IMMP2L: variants seen among roughly 807,000 people sequenced by gnomAD.
IMMP2L encodes inner mitochondrial membrane peptidase subunit 2, also known as mitochondrial inner membrane protease subunit 2.
A neutral mutation model predicts 19.3 loss-of-function variants in IMMP2L; 18 were observed. The observed-to-expected ratio is 0.93, with a 90% CI of 0.64 to 1.38. IMMP2L has a LOEUF of 1.38. Among genes scored for constraint, IMMP2L ranks in the 40% most tolerant of loss-of-function variants. The probability of loss-of-function intolerance (pLI) is 0.00; values close to 1 mark genes in which losing one functional copy is unlikely to be tolerated. For missense variants in IMMP2L, 233 were observed against 218.2 expected, an observed-to-expected ratio of 1.07 and a Z score of -0.43; for synonymous variants, 76 against 73.0, an observed-to-expected ratio of 1.04 and a Z score of -0.21.
intron 3 of IMMP2L, among the ~76,000 whole-genome samples, chr7:111,049,100 T>C (rs1792734415): frequency 2.0e-5 from 3 of 150,498 alleles, no homozygotes; most frequent in South Asian, 2.1e-4. Flanking sequence ...GCTTAGGGCA[T>C]TGATTTTTAT....
At chr7:110,894,435 G>A (rs1294291704) in intron 4 of IMMP2L, among the ~76,000 whole-genome samples, 1 of 152,050 alleles carries the variant, frequency 6.6e-6, no homozygotes, top group Non-Finnish European at 1.5e-5. Context: ...CATTTTAGGG[G>A]CATATAATGG....
At chr7:111,283,522 G>A (rs1024456020) in intron 3 of IMMP2L, among the ~76,000 whole-genome samples, 1 of 152,148 alleles carries the variant, frequency 6.6e-6, no homozygotes, top group African/African-American at 2.4e-5. Flanking sequence ...TGAGCAGTTA[G>A]GAGTGGCTAG....
chr7:111,161,406 T>C (rs1805249320), intron 3 of IMMP2L, among the ~76,000 whole-genome samples: 1 of 151,980 alleles, frequency 6.6e-6, no homozygotes. Context: ...AGCTAACTTT[T>C]AGGACTACAA....
intron 5 of IMMP2L, among the ~76,000 whole-genome samples, chr7:110,780,523 C>A (rs1206100090): frequency 6.6e-6 from 1 of 151,602 alleles, no homozygotes; most frequent in Non-Finnish European, 1.5e-5. Flanking sequence ...TTGTTTCAGG[C>A]TCCTCTCACC....
intron 5 of IMMP2L, among the ~76,000 whole-genome samples, chr7:110,830,590 T>G (rs556128460): frequency 6.6e-6 from 1 of 152,062 alleles, no homozygotes; most frequent in African/African-American, 2.4e-5. Context: ...AAAAAAAACA[T>G]CAAAATATTT....
chr7:111,527,118 T>A (rs897652991), intron 1 of IMMP2L, among the ~76,000 whole-genome samples: 2 of 152,146 alleles, frequency 1.3e-5, no homozygotes, highest in East Asian at 3.9e-4. Flanking sequence ...ACCAGTTCCA[T>A]GACTTTGAAC....
chr7:111,141,828 A>C (rs1802931117), intron 3 of IMMP2L, among the ~76,000 whole-genome samples: 1 of 152,086 alleles, frequency 6.6e-6, no homozygotes, highest in African/African-American at 2.4e-5. Flanking sequence ...AGGCTCCCAA[A>C]AAGCTAGGGC....
chr7:111,016,424 T>C (rs1825553619), intron 3 of IMMP2L, among the ~76,000 whole-genome samples: 1 of 139,082 alleles, frequency 7.2e-6, no homozygotes, highest in Non-Finnish European at 1.5e-5. Context: ...ATATATATTT[T>C]ACATTATATT....
intron 3 of IMMP2L, chr7:111,122,536 T>C: frequency 2.0e-6 from 1 of 491,350 alleles, no homozygotes; most frequent in Non-Finnish European, 3.6e-6. Context: ...AAAAAGTACA[T>C]CAATATTATA....
At chr7:110,838,607 C>T (rs921862137) in intron 5 of IMMP2L, among the ~76,000 whole-genome samples, 1 of 151,672 alleles carries the variant, frequency 6.6e-6, no homozygotes, top group African/African-American at 2.4e-5. Flanking sequence ...AGGACGTGAG[C>T]ATGCTCAGCC....
chr7:111,200,119 G>C (rs1225817176), intron 3 of IMMP2L, among the ~76,000 whole-genome samples: 1 of 151,996 alleles, frequency 6.6e-6, no homozygotes, highest in Non-Finnish European at 1.5e-5. Context: ...TGAAATGTGA[G>C]TTTACAAAAT....
Position 111,512,283 on chromosome 7 carries a change from C to T in IMMP2L, c.135+9030G>A, listed in dbSNP as rs1282137726. 3.9e-5 allele frequency among the ~76,000 whole-genome samples: 6 copies of T among 152,054 alleles called. No homozygotes were observed. The East Asian group carries it at 1.2e-3, about 29-fold the overall frequency. ...TAAAAGAGCCAGTCAGGAAAAACCA[C>T]ATTAGTATGGTTCTATTTACAGGAA... On this transcript the variant is annotated intron_variant, in intron 2 of 5. Transcript: ENST00000405709.
At chr7:110,706,346 C>A (rs1206263308) in intron 5 of IMMP2L, among the ~76,000 whole-genome samples, 1 of 152,166 alleles carries the variant, frequency 6.6e-6, no homozygotes, top group African/African-American at 2.4e-5. Flanking sequence ...CCCAGCAATC[C>A]TTCCACCTTG....
intron 3 of IMMP2L, among the ~76,000 whole-genome samples, chr7:111,374,781 T>C (rs1226580292): frequency 6.6e-6 from 1 of 152,124 alleles, no homozygotes; most frequent in African/African-American, 2.4e-5. Context: ...AAACAAAGTG[T>C]TGAGGTTATC....
At chr7:110,958,294 C>T (rs1818573607) in intron 4 of IMMP2L, among the ~76,000 whole-genome samples, 1 of 151,960 alleles carries the variant, frequency 6.6e-6, no homozygotes, top group South Asian at 2.1e-4. Context: ...ACAATAACAA[C>T]AATAACAAAC....
At chr7:111,421,279 T>C (rs1585035082) in intron 3 of IMMP2L, among the ~76,000 whole-genome samples, 1 of 136,368 alleles carries the variant, frequency 7.3e-6, no homozygotes, top group Non-Finnish European at 1.6e-5. Flanking sequence ...TTTTTTTTTT[T>C]TTTTTTTTGA....
chr7:110,954,892 A>C (rs1425367693), intron 4 of IMMP2L, among the ~76,000 whole-genome samples: 1 of 152,090 alleles, frequency 6.6e-6, no homozygotes, highest in Non-Finnish European at 1.5e-5. Flanking sequence ...AGGTGTCACC[A>C]TTATTGGAAA....
At chr7:111,490,311 G>GTCT (rs142621239) in intron 2 of IMMP2L, among the ~76,000 whole-genome samples, 2,242 of 149,260 alleles carry the variant, frequency 0.015, 81 homozygotes, top group African/African-American at 0.052. Context: ...AGATGGGAGG[G>GTCT]TCTTGCTATG....
At chr7:110,764,642 T>A (rs1386004885) in intron 5 of IMMP2L, among the ~76,000 whole-genome samples, 1 of 152,076 alleles carries the variant, frequency 6.6e-6, no homozygotes, top group Non-Finnish European at 1.5e-5. Flanking sequence ...GCTCATAAGG[T>A]AGCACCTAAT....
Sources: allele counts gnomAD v4.1 joint callset (sites outside exome capture counted in the v4.1 genomes callset), GRCh38; gene constraint gnomAD v4.1.1; transcripts MANE v1.5; gene names NCBI Gene and HGNC (gene_info 2026-07-23, HGNC 2026-07-21).